AMZ1: variants seen among roughly 807,000 people sequenced by gnomAD.
The protein encoded by AMZ1 is archaemetzincin-1.
A neutral mutation model predicts 29.9 loss-of-function variants in AMZ1; 39 were observed. The ratio of observed to expected loss-of-function variants is 1.30; its 90% CI spans 1.01 to 1.70. The LOEUF is 1.70. Among genes scored for constraint, AMZ1 ranks in the 40% most tolerant of loss-of-function variants. The pLI is 0.00. For synonymous variants in AMZ1, 458 were observed against 304.0 expected, an observed-to-expected ratio of 1.51 and a Z score of -5.27; for missense variants, 1,041 against 680.6, an observed-to-expected ratio of 1.53 and a Z score of -5.89.
At chr7:2,705,552 G>A (rs886722720) in intron 3 of AMZ1, among the ~76,000 whole-genome samples, 6 of 152,208 alleles carry the variant, frequency 3.9e-5, no homozygotes, top group Non-Finnish European at 7.3e-5. Context: ...CCCATCGTGG[G>A]TGTTGGAAGC....
At chr7:2,754,247 T>C (rs1460581059) in intron 4 of AMZ1, among the ~76,000 whole-genome samples, 1 of 152,198 alleles carries the variant, frequency 6.6e-6, no homozygotes, top group Non-Finnish European at 1.5e-5. Flanking sequence ...AGAGGCTGGA[T>C]GTCTTCTCGT....
At chr7:2,720,491 C>T (rs560446609), downstream of AMZ1, among the ~76,000 whole-genome samples, 12 of 151,984 alleles carry the variant, frequency 7.9e-5, no homozygotes, top group East Asian at 1.2e-3. Context: ...GCAACCTCCG[C>T]CTTCTGGGTT....
upstream of AMZ1, among the ~76,000 whole-genome samples, chr7:2,684,817 G>A (rs1030486912): frequency 6.6e-6 from 1 of 151,966 alleles, no homozygotes; most frequent in Non-Finnish European, 1.5e-5. Context: ...CCAGTCTCCC[G>A]GGCTGACCCA....
At position 2,712,414 on chromosome 7, in the gene AMZ1, C is replaced by T. The variant is rs1788843640; in HGVS notation, c.1033C>T (p.Pro345Ser). 6.2e-7 allele frequency: 1 copy of T among 1,611,682 alleles called. No individual in the cohort carries two copies. Among genetic ancestry groups the T allele is most frequent in the Non-Finnish European group, 8.5e-7 (1 of 1,179,544 alleles). ...GCCGTCAGTGTGGGAGGACACCCCG[C>T]CTGCCAGCGCCGACTCGGGCATGTG... ...GEPSVWEDTPPASADSGMCCE... is the reference protein window; with the variant it reads ...GEPSVWEDTPSASADSGMCCE... Residue 345 changes from proline to serine, a missense_variant, in exon 7 of 7, where the codon CCT (proline) becomes TCT (serine). Physicochemically the swap from Pro to Ser is moderately conservative, Grantham distance 74 (BLOSUM62 -1). Coordinates refer to ENST00000683327, the MANE Select transcript of AMZ1 (RefSeq NM_001384743.1).
intron 3 of AMZ1, among the ~76,000 whole-genome samples, chr7:2,704,710 C>T (rs1476239781): frequency 1.3e-5 from 2 of 150,402 alleles, no homozygotes; most frequent in African/African-American, 4.9e-5. Context: ...CATTCTCCTG[C>T]GTCAGCCTCC....
chr7:2,730,344 A>G (rs1324472518), intron 4 of AMZ1: 1 of 152,256 alleles, frequency 6.6e-6, no homozygotes, highest in African/African-American at 2.4e-5. Flanking sequence ...GTGGGTGGCT[A>G]AGGGGAGAAG....
chr7:2,722,006 C>T (rs1379227775), downstream of AMZ1, among the ~76,000 whole-genome samples: 6 of 152,200 alleles, frequency 3.9e-5, no homozygotes, highest in Admixed American at 1.3e-4. Flanking sequence ...CTGTAGCGAC[C>T]GTCTTGGAGG....
At chr7:2,745,402 T>G (rs1424069076) in intron 4 of AMZ1, among the ~76,000 whole-genome samples, 4 of 152,248 alleles carry the variant, frequency 2.6e-5, no homozygotes, top group African/African-American at 4.8e-5. Flanking sequence ...ACCCAGAATT[T>G]CATATCCAGC....
chr7:2,692,478 G>C (rs920011797), intron 1 of AMZ1, among the ~76,000 whole-genome samples: 2 of 152,196 alleles, frequency 1.3e-5, no homozygotes, highest in African/African-American at 4.8e-5. Flanking sequence ...GGAAGCGGAG[G>C]TTGCAGTGAG....
upstream of AMZ1, chr7:2,762,787 G>A: frequency 6.5e-7 from 1 of 1,540,870 alleles, no homozygotes; most frequent in Non-Finnish European, 8.8e-7. Flanking sequence ...CTGTACAAAA[G>A]GGAGGAGGAG....
At chr7:2,721,131 G>A (rs1369082292), downstream of AMZ1, among the ~76,000 whole-genome samples, 2 of 152,208 alleles carry the variant, frequency 1.3e-5, no homozygotes, top group African/African-American at 4.8e-5. Flanking sequence ...TGGGTGGCGC[G>A]GGAGGTTCCT....
intron 4 of AMZ1, among the ~76,000 whole-genome samples, chr7:2,735,602 C>T (rs550604936): frequency 1.3e-5 from 2 of 152,320 alleles, no homozygotes; most frequent in African/African-American, 4.8e-5. Flanking sequence ...CAATCAGTCC[C>T]CCAGCTGCAC....
Position 2,702,773 on chromosome 7 carries a change from G to T in AMZ1, c.356G>T (p.Cys119Phe). The T allele has an allele frequency of 6.5e-7, 1 of 1,543,732 alleles. No individual in the cohort carries two copies. The change falls in exon 3 of 7, where the codon TGC (cysteine) becomes TTC (phenylalanine). Residue 119 changes from cysteine (C) to phenylalanine (F), a missense_variant. Physicochemically the swap from Cys to Phe is radical, Grantham distance 205. Transcript: ENST00000683327. Reference protein sequence around the residue: ...GSSLLHQLCSCTEAFFLGLRV... With the variant: ...GSSLLHQLCSFTEAFFLGLRV... ...TCCCTGCTGCACCAGCTGTGCAGCT[G>T]CACAGAGGCCTTCTTCCTGGGCCTG...
chr7:2,743,799 C>G (rs1277130842), intron 4 of AMZ1, among the ~76,000 whole-genome samples: 5 of 152,074 alleles, frequency 3.3e-5, no homozygotes, highest in Admixed American at 2.0e-4. Flanking sequence ...CACATAGCAC[C>G]TGGAAAATTG....
At chr7:2,681,647 C>A (rs1422275988) in intron 1 of AMZ1, among the ~76,000 whole-genome samples, 1 of 152,276 alleles carries the variant, frequency 6.6e-6, no homozygotes. Flanking sequence ...CAGACCCCGA[C>A]AGGGACAGGT....
intron 4 of AMZ1, among the ~76,000 whole-genome samples, chr7:2,724,903 C>T (rs549661397): frequency 9.2e-5 from 14 of 152,308 alleles, no homozygotes; most frequent in South Asian, 2.1e-4. Flanking sequence ...TTCTCGTCCC[C>T]GCCACACCCG....
chr7:2,716,952 TCTCC>T lies in AMZ1; in HGVS notation c.*4076_*4079del, dbSNP rs1427661265. ...GTCTGTTCTTGCTTGAACCCCGAGT[TCTCC>T]CGCTGTTGTGCAGCTTTCTAAAAGC... On this transcript the variant is annotated 3_prime_UTR_variant, in exon 7 of 7. Transcript: ENST00000683327. Among the ~76,000 whole-genome samples the T allele has an allele frequency of 6.6e-6, 1 of 152,100 alleles. No homozygotes were observed. The highest frequency in any genetic ancestry group is 1.5e-5 in the Non-Finnish European group (1 of 68,018).
intron 4 of AMZ1, among the ~76,000 whole-genome samples, chr7:2,735,898 GGAA>G (rs1790147969): frequency 6.6e-6 from 1 of 152,086 alleles, no homozygotes; most frequent in Non-Finnish European, 1.5e-5. Context: ...TGGAGGGGAG[GGAA>G]GAAGGGGACA....
chr7:2,737,859 C>T (rs116070355), intron 4 of AMZ1, among the ~76,000 whole-genome samples: 94 of 152,236 alleles, frequency 6.2e-4, no homozygotes, highest in South Asian at 4.1e-3. Context: ...TGAATAGAGA[C>T]GCTAGCCAAA....
Sources: allele counts gnomAD v4.1 joint callset (sites outside exome capture counted in the v4.1 genomes callset), GRCh38; gene constraint gnomAD v4.1.1; transcripts MANE v1.5; gene names NCBI Gene and HGNC (gene_info 2026-07-23, HGNC 2026-07-21).